The following PCDHGA2 variants were observed in gnomAD, a reference collection of about 807,000 sequenced individuals.
PCDHGA2 encodes the protein protocadherin gamma subfamily A, 2.
PCDHGA2 carries 40 observed loss-of-function variants against 59.2 expected under a neutral mutation model. The ratio of observed to expected loss-of-function variants is 0.68; its 90% CI spans 0.52 to 0.88. The LOEUF (loss-of-function observed/expected upper bound fraction) is 0.88, where lower values mean the gene tolerates loss of function less well. Among genes scored for constraint, PCDHGA2 ranks in the 40% least tolerant of loss-of-function variants. The pLI is 0.00. For missense variants in PCDHGA2, 1,226 were observed against 1,204.0 expected, an observed-to-expected ratio of 1.02 and a Z score of -0.27; for synonymous variants, 560 against 526.0, an observed-to-expected ratio of 1.06 and a Z score of -0.89.
Position 141,490,413 on chromosome 5 carries a change from G to A in PCDHGA2, c.2425-4394G>A, listed in dbSNP as rs2233606. On this transcript the variant is annotated intron_variant, in intron 1 of 3. Transcript: ENST00000394576. The surrounding 1 kb of genome is among the most constrained non-coding windows in gnomAD (Gnocchi z 5.4). ...GTGAAGTGAGCCTTGATATCTCTCC[G>A]GACCTGCCATTTCAGATTAAGCCTT... 2.3e-3 allele frequency: 3,787 copies of A among 1,614,128 alleles called. 38 individuals are homozygous for A. In the African/African-American group the frequency reaches 0.027, roughly 12 times the overall value.
At chr5:141,357,565 G>C in intron 1 of PCDHGA2, 1 of 1,614,186 alleles carries the variant, frequency 6.2e-7, no homozygotes, top group East Asian at 2.2e-5. Context: ...TGAGAAAAGC[G>C]AGCCTCTTCT....
In PCDHGA2 at chr5:141,345,639, G is replaced by A. The variant is rs764564541; in HGVS notation, c.2424+4244G>A. The A allele has an allele frequency of 2.5e-6, 4 of 1,614,180 alleles. No homozygotes were observed. In the East Asian group the frequency reaches 6.7e-5, roughly 27 times the overall value. On this transcript the variant is annotated intron_variant, in intron 1 of 3. Transcript: ENST00000394576. ...CTTAAAGCTACTGGTGACAGCCAGC[G>A]ACAGCGGGAACCCTCCACTCAGCAG...
intron 1 of PCDHGA2, chr5:141,356,191 A>G: frequency 6.2e-7 from 1 of 1,610,554 alleles, no homozygotes; most frequent in Non-Finnish European, 8.5e-7. Context: ...CCGAGCTAGA[A>G]GCAAGGTACT....
intron 1 of PCDHGA2, among the ~76,000 whole-genome samples, chr5:141,434,881 A>C (rs1221252749): frequency 6.6e-6 from 1 of 151,958 alleles, no homozygotes; most frequent in Non-Finnish European, 1.5e-5. Context: ...AGATACCAAC[A>C]ACAATCCAGT....
intron 1 of PCDHGA2, chr5:141,384,958 T>A: frequency 6.2e-7 from 1 of 1,613,954 alleles, no homozygotes; most frequent in Non-Finnish European, 8.5e-7. Context: ...TCCTTACAAC[T>A]ATGACCTCAC....
chr5:141,419,734 G>A, intron 1 of PCDHGA2: 2 of 1,613,792 alleles, frequency 1.2e-6, no homozygotes, highest in Non-Finnish European at 1.7e-6. Context: ...GAACAGGCGA[G>A]GTGCGCATGG....
intron 1 of PCDHGA2, chr5:141,403,041 A>T: frequency 6.2e-7 from 1 of 1,614,084 alleles, no homozygotes; most frequent in Non-Finnish European, 8.5e-7. Flanking sequence ...AGGGCCAGTC[A>T]GATTCGCTAC....
At chr5:141,442,029 A>C in intron 1 of PCDHGA2, 1 of 210,292 alleles carries the variant, frequency 4.8e-6, no homozygotes, top group Non-Finnish European at 9.8e-6. Context: ...CAGGAAAGCG[A>C]CTCGCCAGCG....
chr5:141,433,047 C>T (rs1561867159), intron 1 of PCDHGA2: 1 of 1,614,046 alleles, frequency 6.2e-7, no homozygotes, highest in African/African-American at 1.3e-5. Flanking sequence ...ACCACGGACT[C>T]GCGGAAGAGT....
At chr5:141,375,816 C>A (rs755968729) in intron 1 of PCDHGA2, 6 of 1,614,194 alleles carry the variant, frequency 3.7e-6, no homozygotes, top group South Asian at 3.3e-5. Context: ...GTGGAGCTGG[C>A]GCCCCGCTCC....
At chr5:141,350,594 A>G in intron 1 of PCDHGA2, 1 of 1,614,004 alleles carries the variant, frequency 6.2e-7, no homozygotes, top group Middle Eastern at 1.6e-4. Context: ...AAACCCAATG[A>G]ATGTTTTCCA....
intron 1 of PCDHGA2, chr5:141,413,949 T>C (rs1291474416): frequency 6.2e-7 from 1 of 1,613,218 alleles, no homozygotes; most frequent in African/African-American, 1.3e-5. Context: ...TTCCTGAGAA[T>C]TTGCCTGTGG....
At chr5:141,506,076 T>C (rs2154593839) in intron 3 of PCDHGA2, among the ~76,000 whole-genome samples, 1 of 152,244 alleles carries the variant, frequency 6.6e-6, no homozygotes, top group South Asian at 2.1e-4. Flanking sequence ...TCCTTTGTAA[T>C]AGAGATTCGG....
At chr5:141,481,813 G>C (rs185558948) in intron 1 of PCDHGA2, among the ~76,000 whole-genome samples, 1 of 151,824 alleles carries the variant, frequency 6.6e-6, no homozygotes, top group African/African-American at 2.4e-5. Flanking sequence ...TTCACCAGGC[G>C]TGGTGGCTGA....
In PCDHGA2 at chr5:141,490,376, C is replaced by T. The variant is rs761956816; in HGVS notation, c.2425-4431C>T. 2 of 1,614,184 alleles carry T rather than the reference C, an allele frequency of 1.2e-6. No individual in the cohort carries two copies. The highest frequency in any genetic ancestry group is 1.7e-6 in the Non-Finnish European group (2 of 1,180,036). ...TTGTTTAATGTGCGAGACCGGGACT[C>T]AGGTAGAAATGGTGAAGTGAGCCTT... is the stretch of plus-strand genomic sequence containing the variant. On this transcript the variant is annotated intron_variant, in intron 1 of 3. Transcript: ENST00000394576. The surrounding 1 kb of genome is among the most constrained non-coding windows in gnomAD (Gnocchi z 5.4).
chr5:141,467,554 T>A (rs2099145880), intron 1 of PCDHGA2, among the ~76,000 whole-genome samples: 1 of 152,238 alleles, frequency 6.6e-6, no homozygotes. Flanking sequence ...TATATCTTTT[T>A]TCCCAAATGG....
At chr5:141,389,240 G>A (rs903029281) in intron 1 of PCDHGA2, 4 of 1,613,902 alleles carry the variant, frequency 2.5e-6, no homozygotes, top group African/African-American at 1.3e-5. Context: ...TTTTCTCACA[G>A]TCTTCCTATA....
At chr5:141,375,232 C>A in intron 1 of PCDHGA2, 1 of 1,613,986 alleles carries the variant, frequency 6.2e-7, no homozygotes, top group South Asian at 1.1e-5. Context: ...GCCTGGTAAC[C>A]TGTTCCATCC....
At chr5:141,412,591 A>G (rs2095564760) in intron 1 of PCDHGA2, 1 of 152,214 alleles carries the variant, frequency 6.6e-6, no homozygotes, top group Non-Finnish European at 1.5e-5. Flanking sequence ...ATGAATGTAT[A>G]CTAAATAAAA....
Sources: allele counts gnomAD v4.1 joint callset (sites outside exome capture counted in the v4.1 genomes callset), GRCh38; gene constraint gnomAD v4.1.1; non-coding constraint Gnocchi (gnomAD v3.1); transcripts MANE v1.5; gene names NCBI Gene and HGNC (gene_info 2026-07-23, HGNC 2026-07-21).